Variants in SHC2 observed in about 807,000 individuals in gnomAD.
SHC2 encodes SHC-transforming protein 2.
SHC2 carries 62 observed loss-of-function variants against 60.6 expected under a neutral mutation model. That is an observed-to-expected ratio of 1.02 (90% CI 0.83 to 1.26). SHC2 has a LOEUF of 1.26. Among genes scored for constraint, SHC2 ranks in the 50% most tolerant of loss-of-function variants. The pLI, the probability that SHC2 is intolerant of heterozygous loss-of-function variation, is 0.00. For missense variants in SHC2, 873 were observed against 822.2 expected (o/e 1.06, Z -0.76); for synonymous variants, 375 against 372.4 (o/e 1.01, Z -0.08).
chr19:448,544 A>C (rs1345044084), intron 1 of SHC2, among the ~76,000 whole-genome samples: 1 of 152,006 alleles, frequency 6.6e-6, no homozygotes, highest in African/African-American at 2.4e-5. Context: ...TTAACTAACC[A>C]CGTCTGCAAA....
In SHC2 at chr19:427,853, GA is replaced by G. The variant is rs1265474878; in HGVS notation, c.1175-2623del. Among the ~76,000 whole-genome samples, 6 of 135,076 alleles carry G rather than the reference GA, an allele frequency of 4.4e-5. No homozygotes were observed. The South Asian group carries it at 7.7e-4, about 17-fold the overall frequency. 88.6% of individuals were successfully genotyped at this position (135,076 alleles called of 152,430 possible). A position where few individuals can be genotyped will look rare whatever the true frequency, so the allele number is the denominator to read the frequency against. On this transcript the variant is annotated intron_variant, in intron 9 of 12. Transcript: ENST00000264554. ...AAGGGGGAACTGCACACGGCACAGG[GA>G]AGGGGGAACTGCACACGGCACAGAG... is the stretch of plus-strand genomic sequence containing the variant.
In SHC2 at chr19:424,956, G is replaced by A. The variant is rs1357348149; in HGVS notation, c.1309+141C>T. On this transcript the variant is annotated intron_variant, in intron 10 of 12. Coordinates refer to ENST00000264554, the MANE Select transcript of SHC2 (RefSeq NM_012435.3). The surrounding 1 kb of genome is among the most constrained non-coding windows in gnomAD (Gnocchi z 4.5). Reference sequence around the variant, plus strand: ...ACTGGGCTTCCCCGTCCCACCCGTCGACTTGAAGGATCTCACGGGGAGAAG... The same window carrying A: ...ACTGGGCTTCCCCGTCCCACCCGTCAACTTGAAGGATCTCACGGGGAGAAG... 6.0e-5 allele frequency: 56 copies of A among 936,552 alleles called. No homozygotes were observed. The highest frequency in any genetic ancestry group is 2.4e-4 in the Middle Eastern group (1 of 4,170). 58.0% of individuals were successfully genotyped at this position (936,552 alleles called of 1,614,324 possible). A position where few individuals can be genotyped will look rare whatever the true frequency, so the allele number is the denominator to read the frequency against.
At position 453,447 on chromosome 19, in the gene SHC2, T is replaced by C. The variant is rs1975250005; in HGVS notation, c.468+7082A>G. 6.6e-6 allele frequency among the ~76,000 whole-genome samples: 1 copy of C among 152,136 alleles called. No individual in the cohort carries two copies. The highest frequency in any genetic ancestry group is 1.5e-5 in the Non-Finnish European group (1 of 68,014). On this transcript the variant is annotated intron_variant, in intron 1 of 12. Coordinates refer to ENST00000264554, the MANE Select transcript of SHC2 (RefSeq NM_012435.3). The surrounding 1 kb of genome is among the most constrained non-coding windows in gnomAD (Gnocchi z 6.3). Reference sequence around the variant, plus strand: ...ACCCTGCCTGGCTAATGTTTTTTCTTTTTTGGTAGAGACAGGGTTTCACCA... The same window carrying C: ...ACCCTGCCTGGCTAATGTTTTTTCTCTTTTGGTAGAGACAGGGTTTCACCA...
In SHC2 at chr19:428,666, C is replaced by T. The variant is rs374765637; in HGVS notation, c.1174+2018G>A. Among the ~76,000 whole-genome samples the T allele has an allele frequency of 2.3e-4, 35 of 152,336 alleles. No homozygotes were observed. In the South Asian group the frequency reaches 6.2e-3, roughly 27 times the overall value. ...TGCCTGATCAGGGAGGCAAAGAAAA[C>T]AGATGCAGACAGGTATGAAAGAGAT... On this transcript the variant is annotated intron_variant, in intron 9 of 12. Transcript: ENST00000264554.
At chr19:418,529 C>G (rs1324899474) in intron 12 of SHC2, among the ~76,000 whole-genome samples, 1 of 152,260 alleles carries the variant, frequency 6.6e-6, no homozygotes, top group Non-Finnish European at 1.5e-5. Context: ...CAGCCGAGAA[C>G]AGGAGCCAGG....
intron 2 of SHC2, chr19:439,384 A>G (rs2145725197): frequency 3.1e-6 from 1 of 318,762 alleles, no homozygotes; most frequent in South Asian, 4.6e-5. Context: ...TCGGCCCACA[A>G]GGAAGGCTCG....
chr19:454,128 CT>C (rs1312566350), intron 1 of SHC2, among the ~76,000 whole-genome samples: 4 of 152,200 alleles, frequency 2.6e-5, no homozygotes, highest in African/African-American at 9.6e-5. Context: ...ACGGCAGCTG[CT>C]TGCTGCCTGT....
At chr19:419,302 CGCGGGAAGATGCG>C in intron 11 of SHC2, 1 of 462,768 alleles carries the variant, frequency 2.2e-6, no homozygotes, top group South Asian at 4.7e-5. Context: ...GAAAGGTGAC[CGCGGGAAGATGCG>C]GCCAGGTCCC....
chr19:418,751 C>G (rs1228444514), intron 12 of SHC2, among the ~76,000 whole-genome samples, 172 bp downstream of exon 12: 1 of 152,044 alleles, frequency 6.6e-6, no homozygotes, highest in African/African-American at 2.4e-5. Context: ...TCGGGGCTGA[C>G]AGAATGTTCT....
At chr19:429,239 C>T (rs1008747431) in intron 9 of SHC2, among the ~76,000 whole-genome samples, 1 of 146,272 alleles carries the variant, frequency 6.8e-6, no homozygotes, top group Non-Finnish European at 1.5e-5. Flanking sequence ...GTGGATGACA[C>T]AGTACCTATA....
chr19:434,686 T>C, intron 8 of SHC2, 23 bp downstream of exon 8: 1 of 1,586,900 alleles, frequency 6.3e-7, no homozygotes. Flanking sequence ...CCTGTCCCCA[T>C]CCCCCCGAGG....
At chr19:429,766 G>C (rs567105402) in intron 9 of SHC2, among the ~76,000 whole-genome samples, 1 of 148,716 alleles carries the variant, frequency 6.7e-6, no homozygotes, top group East Asian at 2.1e-4. Flanking sequence ...ACCTAACACC[G>C]TGTGGATGAC....
chr19:440,736 G>T lies in SHC2; in HGVS notation c.539+126C>A. 2.6e-6 allele frequency: 2 copies of T among 773,360 alleles called. No homozygotes were observed. Among genetic ancestry groups the T allele is most frequent in the Non-Finnish European group, 4.4e-6 (2 of 451,380 alleles). The allele number at this position is 773,360 out of a possible 1,614,324, so 47.9% of individuals were successfully genotyped here. On this transcript the variant is annotated intron_variant, in intron 2 of 12. Transcript: ENST00000264554. This position sits in a 1 kb window ranked among gnomAD's most constrained non-coding sequence, Gnocchi z 7.0. The stretch of plus-strand genomic sequence containing the variant: ...GCGTGAAGTGGGAGGGAGGTGGGGG[G>T]CACCGAGGCTGCGTCCTGGGACCCC...
chr19:429,040 C>T (rs1023161673), intron 9 of SHC2, among the ~76,000 whole-genome samples: 3 of 149,214 alleles, frequency 2.0e-5, no homozygotes, highest in South Asian at 2.1e-4. Context: ...GTGTGGATGA[C>T]GCAGTACCTA....
In SHC2 at chr19:418,949, G is replaced by A. The variant is rs201082868; in HGVS notation, c.1728C>T (p.Gly576=). The part of the protein sequence containing the change: ...VAAESELHLR[G]VVSREP ...TGGCTCAGGGCTCCCGTGAGACCAC[G>A]CCACGCAGGTGCAGCTCACTCTCGG... The change falls in exon 12 of 13, where the codon GGC becomes GGT. Residue 576 remains glycine (G), a synonymous_variant. Coordinates refer to ENST00000264554, the MANE Select transcript of SHC2 (RefSeq NM_012435.3). 1.3e-4 allele frequency: 205 copies of A among 1,588,506 alleles called. No individual in the cohort carries two copies. The African/African-American group carries it at 2.1e-3, about 16-fold the overall frequency.
chr19:430,306 T>C lies in SHC2; in HGVS notation c.1174+378A>G, dbSNP rs564822315. Among the ~76,000 whole-genome samples, 39 of 150,590 alleles carry C rather than the reference T, an allele frequency of 2.6e-4. 1 individual carries two copies. Among genetic ancestry groups the C allele is most frequent in the African/African-American group, 9.1e-4 (37 of 40,872 alleles). ...TACCCCAACGTGCACAGAAACCTAA[T>C]ACCGTGTGGATGACGCGGCACCTAT... On this transcript the variant is annotated intron_variant, in intron 9 of 12. Coordinates refer to ENST00000264554, the MANE Select transcript of SHC2 (RefSeq NM_012435.3).
rs1036222952 is a variant in SHC2 at position 448,414 on chromosome 19, C to T, written c.469-7482G>A. Among the ~76,000 whole-genome samples the T allele has an allele frequency of 1.6e-4, 25 of 152,198 alleles. 1 individual carries two copies. The highest frequency in any genetic ancestry group is 2.9e-4 in the Non-Finnish European group (20 of 68,046). On this transcript the variant is annotated intron_variant, in intron 1 of 12. Transcript: ENST00000264554. ...GCGTCCCGGGCTTGTGGCCGTGTTACTCCATCTCTGCCTCCTCCACACAGC... is the reference window on the plus strand; with the variant it reads ...GCGTCCCGGGCTTGTGGCCGTGTTATTCCATCTCTGCCTCCTCCACACAGC...
At position 441,246 on chromosome 19, in the gene SHC2, A is replaced by T. The variant is rs1165491658; in HGVS notation, c.469-314T>A. 1.2e-6 allele frequency: 1 copy of T among 837,392 alleles called. No individual in the cohort carries two copies. The highest frequency in any genetic ancestry group is 1.4e-6 in the Non-Finnish European group (1 of 698,686). The allele number at this position is 837,392 out of a possible 1,614,324, so 51.9% of individuals were successfully genotyped here. A position where few individuals can be genotyped will look rare whatever the true frequency, so the allele number is the denominator to read the frequency against. On this transcript the variant is annotated intron_variant, in intron 1 of 12. Coordinates refer to ENST00000264554, the MANE Select transcript of SHC2 (RefSeq NM_012435.3). The surrounding 1 kb of genome is among the most constrained non-coding windows in gnomAD (Gnocchi z 4.9). ...CTCGTCGGTCTCTTTCTGTTCCACCAGCACCGAAGCCGAGGAGCGTGGGGA... is the reference window on the plus strand; with the variant it reads ...CTCGTCGGTCTCTTTCTGTTCCACCTGCACCGAAGCCGAGGAGCGTGGGGA...
rs766690624 is a variant in SHC2 at position 422,172 on chromosome 19, G to A, written c.1594C>T (p.Leu532=). The part of the protein sequence containing the change: ...TGMHAGQPKH[L]LLVDPEGVVR... ...ACGCCCTCGGGGTCCACGAGCAGCA[G>A]GTGCTTGGGCTGCCCGGCGTGCATG... Residue 532 remains leucine, a synonymous_variant, in exon 11 of 13, where the codon CTG becomes TTG. Coordinates refer to ENST00000264554, the MANE Select transcript of SHC2 (RefSeq NM_012435.3). The surrounding 1 kb of genome is among the most constrained non-coding windows in gnomAD (Gnocchi z 5.0). 4 of 1,611,628 alleles carry A rather than the reference G, an allele frequency of 2.5e-6. No homozygotes were observed. The highest frequency in any genetic ancestry group is 3.4e-6 in the Non-Finnish European group (4 of 1,179,014).
Sources: gnomAD v4.1 joint callset for allele counts (sites outside exome capture counted in the v4.1 genomes callset) on GRCh38, gnomAD v4.1.1 for gene constraint, Gnocchi (gnomAD v3.1) non-coding constraint, MANE v1.5 for transcripts, NCBI Gene and HGNC (gene_info 2026-07-23, HGNC 2026-07-21) for gene names.